ORC5: variants seen among roughly 807,000 people sequenced by gnomAD.
ORC5 encodes the protein origin recognition complex subunit 5, also known as protein phosphatase 1, regulatory subunit 117.
In ORC5, 39 loss-of-function variants were observed where a neutral mutation model predicts 58.8. That is an observed-to-expected ratio of 0.66 (90% CI 0.51 to 0.87). ORC5 has a LOEUF of 0.87. Among genes scored for constraint, ORC5 ranks in the 40% least tolerant of loss-of-function variants. ORC5 has a pLI of 0.00. For synonymous variants in ORC5, 218 were observed against 177.6 expected (o/e 1.23, Z -1.81); for missense variants, 493 against 506.3 (o/e 0.97, Z 0.25).
intron 9 of ORC5, 36 bp from the exon 10 acceptor site, chr7:104,166,920 G>T: frequency 8.5e-7 from 1 of 1,177,938 alleles, no homozygotes. Context: ...GTACTTATTA[G>T]GCTAACATTG....
At chr7:104,177,697 T>C (rs1417117857) in intron 8 of ORC5, among the ~76,000 whole-genome samples, 1 of 152,098 alleles carries the variant, frequency 6.6e-6, no homozygotes, top group Non-Finnish European at 1.5e-5. Flanking sequence ...ATGCATTAGG[T>C]ATTTGTCCTA....
intron 12 of ORC5, among the ~76,000 whole-genome samples, chr7:104,142,630 CAT>C (rs1798691173): frequency 6.6e-6 from 1 of 152,024 alleles, no homozygotes; most frequent in Admixed American, 6.6e-5. Flanking sequence ...AATGGAAGCA[CAT>C]GTGAAAGTTA....
At chr7:104,175,193 C>T (rs1044205937) in intron 8 of ORC5, among the ~76,000 whole-genome samples, 4 of 152,160 alleles carry the variant, frequency 2.6e-5, no homozygotes, top group African/African-American at 7.2e-5. Flanking sequence ...CAGGCCCAAA[C>T]GGATTTGCCG....
chr7:104,197,690 G>C, intron 4 of ORC5, 35 bp downstream of exon 4: 1 of 1,394,256 alleles, frequency 7.2e-7, no homozygotes, highest in Non-Finnish European at 1.0e-6. Flanking sequence ...CATTGATTAA[G>C]TTGTGGGGAG....
chr7:104,187,717 GT>G, intron 6 of ORC5: 1 of 932,120 alleles, frequency 1.1e-6, no homozygotes, highest in Non-Finnish European at 1.3e-6. Context: ...TATTCTAATT[GT>G]TAAAAAAAAA....
chr7:104,188,640 G>A (rs1799603501), intron 5 of ORC5, among the ~76,000 whole-genome samples: 1 of 152,132 alleles, frequency 6.6e-6, no homozygotes, highest in African/African-American at 2.4e-5. Flanking sequence ...GATAAGAGGA[G>A]TATCTTTTGT....
intron 4 of ORC5, 57 bp downstream of exon 4, chr7:104,197,668 T>C (rs527724143): frequency 2.6e-6 from 3 of 1,167,682 alleles, no homozygotes; most frequent in South Asian, 2.9e-5. Flanking sequence ...GAAAAACTTT[T>C]ACAACACAAT....
intron 8 of ORC5, among the ~76,000 whole-genome samples, chr7:104,172,943 T>C (rs1438362874): frequency 2.0e-5 from 3 of 150,322 alleles, no homozygotes; most frequent in African/African-American, 7.3e-5. Context: ...AGCATAAATA[T>C]GGCAAAGCTA....
At chr7:104,137,444 G>C (rs945475421) in intron 12 of ORC5, among the ~76,000 whole-genome samples, 1 of 151,952 alleles carries the variant, frequency 6.6e-6, no homozygotes, top group African/African-American at 2.4e-5. Flanking sequence ...TCCCTGGCTA[G>C]TGCTCCACTC....
At chr7:104,176,923 C>A (rs1799333480) in intron 8 of ORC5, among the ~76,000 whole-genome samples, 1 of 152,180 alleles carries the variant, frequency 6.6e-6, no homozygotes, top group Non-Finnish European at 1.5e-5. Context: ...ACTATAAACT[C>A]AGCCTAAATA....
chr7:104,169,663 G>T (rs1048926995), intron 8 of ORC5, among the ~76,000 whole-genome samples: 10 of 152,072 alleles, frequency 6.6e-5, no homozygotes, highest in Non-Finnish European at 1.2e-4. Flanking sequence ...TGAAGAACAG[G>T]GTGGAAGTGA....
At chr7:104,145,286 A>G (rs1562806015) in intron 12 of ORC5, among the ~76,000 whole-genome samples, 3 of 152,202 alleles carry the variant, frequency 2.0e-5, no homozygotes. Flanking sequence ...CTTAGAGAAA[A>G]GAGATACACA....
At chr7:104,181,419 T>A (rs896673467) in intron 8 of ORC5, among the ~76,000 whole-genome samples, 5 of 151,902 alleles carry the variant, frequency 3.3e-5, no homozygotes, top group African/African-American at 1.2e-4. Context: ...GAATTTGCTC[T>A]CTCTTTATAA....
chr7:104,134,367 A>ATC (rs1338284425), intron 13 of ORC5, among the ~76,000 whole-genome samples: 3 of 144,912 alleles, frequency 2.1e-5, no homozygotes, highest in African/African-American at 7.6e-5. Flanking sequence ...GTGAGCCAAG[A>ATC]TCGCACTACT....
chr7:104,179,914 G>C (rs1799400647), intron 8 of ORC5, among the ~76,000 whole-genome samples: 1 of 152,150 alleles, frequency 6.6e-6, no homozygotes, highest in Middle Eastern at 3.4e-3. Flanking sequence ...TTTTTCATCA[G>C]CTCCTGTCAC....
intron 8 of ORC5, among the ~76,000 whole-genome samples, chr7:104,174,940 A>G (rs1161493193): frequency 1.3e-5 from 2 of 152,214 alleles, no homozygotes; most frequent in Admixed American, 1.3e-4. Flanking sequence ...AGAATCAGAG[A>G]AGGGTTGTAG....
rs1314521694 is a variant in ORC5 at position 104,140,413 on chromosome 7, C to T, written c.1150-3520G>A. ...TACTTTCACTACCTTGTAAGTAGTTCTATAGTCCTTTTAATTCGAATGTCC... is the reference window on the plus strand; with the variant it reads ...TACTTTCACTACCTTGTAAGTAGTTTTATAGTCCTTTTAATTCGAATGTCC... On this transcript the variant is annotated intron_variant, in intron 12 of 13. Transcript: ENST00000297431. Among the ~76,000 whole-genome samples, 3 of 151,890 alleles carry T rather than the reference C, an allele frequency of 2.0e-5. No homozygotes were observed. The East Asian group carries it at 5.8e-4, about 29-fold the overall frequency.
In ORC5 at chr7:104,126,781, A is replaced by C; in HGVS notation, c.*67T>G. 2 of 1,202,272 alleles carry C rather than the reference A, an allele frequency of 1.7e-6. No homozygotes were observed. Among genetic ancestry groups the C allele is most frequent in the South Asian group, 2.7e-5 (2 of 74,586 alleles). The allele number at this position is 1,202,272 out of a possible 1,614,324, so 74.5% of individuals were successfully genotyped here. A position where few individuals can be genotyped will look rare whatever the true frequency, so the allele number is the denominator to read the frequency against. Reference sequence around the variant, plus strand: ...AAGAACTCCTCTCCTTGGCCAGCTAAGTAGCTGGATGAACACAGCTTGGCT... The same window carrying C: ...AAGAACTCCTCTCCTTGGCCAGCTACGTAGCTGGATGAACACAGCTTGGCT... On this transcript the variant is annotated 3_prime_UTR_variant, in exon 14 of 14. Transcript: ENST00000297431.
At chr7:104,194,409 G>T (rs150890864) in intron 5 of ORC5, among the ~76,000 whole-genome samples, 9 of 152,142 alleles carry the variant, frequency 5.9e-5, no homozygotes, top group African/African-American at 1.9e-4. Flanking sequence ...ATACTTCACA[G>T]TTATAATCTC....
Sources: gnomAD v4.1 joint callset for allele counts (sites outside exome capture counted in the v4.1 genomes callset) on GRCh38, gnomAD v4.1.1 for gene constraint, MANE v1.5 for transcripts, NCBI Gene and HGNC (gene_info 2026-07-23, HGNC 2026-07-21) for gene names.